The following EPHA7 variants were observed in gnomAD, a reference collection of about 807,000 sequenced individuals.
EPHA7 encodes ephrin type-A receptor 7.
EPHA7 carries 25 observed loss-of-function variants against 112.6 expected under a neutral mutation model. That is an observed-to-expected ratio of 0.22 (90% CI 0.16 to 0.31). The LOEUF (loss-of-function observed/expected upper bound fraction) is 0.31. Ranked by LOEUF, EPHA7 falls within the 10% of genes least tolerant of loss-of-function variation. EPHA7 has a pLI of 1.00. For missense variants in EPHA7, 962 were observed against 1,212.6 expected, an observed-to-expected ratio of 0.79 and a Z score of 3.07; for synonymous variants, 437 against 406.5, an observed-to-expected ratio of 1.07 and a Z score of -0.90.
chr6:93,360,588 C>T (rs929962536), intron 3 of EPHA7, among the ~76,000 whole-genome samples: 1 of 152,078 alleles, frequency 6.6e-6, no homozygotes, highest in African/African-American at 2.4e-5. Flanking sequence ...TTCTCATTCT[C>T]CCATTGCAAA....
At chr6:93,286,743 T>C (rs747583973) in intron 5 of EPHA7, among the ~76,000 whole-genome samples, 14 of 152,138 alleles carry the variant, frequency 9.2e-5, no homozygotes, top group East Asian at 1.9e-4. Context: ...GTTTAAAAGG[T>C]AGCAGGTGAG....
intron 5 of EPHA7, among the ~76,000 whole-genome samples, chr6:93,303,922 T>G (rs978820736): frequency 6.6e-6 from 1 of 152,142 alleles, no homozygotes; most frequent in Non-Finnish European, 1.5e-5. Flanking sequence ...AAACCTTTCT[T>G]CTATTACCTG....
chr6:93,342,274 C>T (rs143346531), intron 5 of EPHA7, among the ~76,000 whole-genome samples: 1 of 150,644 alleles, frequency 6.6e-6, no homozygotes, highest in African/African-American at 2.4e-5. Context: ...TCTTGCTGTC[C>T]TATCCTCATC....
At chr6:93,256,152 A>T (rs1770433505) in intron 12 of EPHA7, 115 bp from the exon 13 acceptor site, 2 of 828,434 alleles carry the variant, frequency 2.4e-6, no homozygotes, top group Non-Finnish European at 3.7e-6. Context: ...GGAATTGTTA[A>T]TTTTTTATAT....
At chr6:93,278,715 TTG>T (rs895383804) in intron 5 of EPHA7, among the ~76,000 whole-genome samples, 7 of 151,858 alleles carry the variant, frequency 4.6e-5, no homozygotes, top group African/African-American at 1.4e-4. Context: ...CTGTTTTTTT[TTG>T]TTGTTGTTGT....
chr6:93,244,362 T>C (rs952657248), intron 16 of EPHA7, among the ~76,000 whole-genome samples: 1 of 152,148 alleles, frequency 6.6e-6, no homozygotes, highest in Non-Finnish European at 1.5e-5. Context: ...TAAACCCATG[T>C]ACGTGACATT....
At chr6:93,355,442 G>T (rs1000859372) in intron 5 of EPHA7, among the ~76,000 whole-genome samples, 11 of 152,184 alleles carry the variant, frequency 7.2e-5, no homozygotes, top group Admixed American at 6.5e-4. Flanking sequence ...ATTAGTCTGT[G>T]TCCAGGAATT....
chr6:93,291,792 T>G (rs1772394735), intron 5 of EPHA7, among the ~76,000 whole-genome samples: 1 of 104,630 alleles, frequency 9.6e-6, no homozygotes, highest in Non-Finnish European at 2.1e-5. Flanking sequence ...AAAAAATACT[T>G]TTCTGGAACC....
chr6:93,243,206 C>T lies in EPHA7; in HGVS notation c.*220G>A. 5.0e-6 allele frequency: 2 copies of T among 404,014 alleles called. No individual in the cohort carries two copies. Among genetic ancestry groups the T allele is most frequent in the Non-Finnish European group, 8.8e-6 (2 of 226,806 alleles). 25.0% of individuals were successfully genotyped at this position (404,014 alleles called of 1,614,324 possible). On this transcript the variant is annotated 3_prime_UTR_variant, in exon 17 of 17. Transcript: ENST00000369303. ...TCAGGTAGTACTTTGTTTATTGTCACTGCTATTTTCCTGGCCACCGATGGT... is the reference window on the plus strand; with the variant it reads ...TCAGGTAGTACTTTGTTTATTGTCATTGCTATTTTCCTGGCCACCGATGGT...
intron 6 of EPHA7, among the ~76,000 whole-genome samples, chr6:93,270,951 A>G (rs1771187916): frequency 6.6e-6 from 1 of 151,806 alleles, no homozygotes; most frequent in Non-Finnish European, 1.5e-5. Context: ...TGATTTGAAC[A>G]TATTTATTCT....
intron 5 of EPHA7, among the ~76,000 whole-genome samples, chr6:93,349,725 CTT>C (rs1189367494): frequency 1.3e-5 from 2 of 151,734 alleles, no homozygotes; most frequent in East Asian, 1.9e-4. Context: ...ATAAATCAAT[CTT>C]ATATATTCCT....
At chr6:93,407,582 C>T (rs767553915) in intron 3 of EPHA7, among the ~76,000 whole-genome samples, 13 of 152,014 alleles carry the variant, frequency 8.6e-5, no homozygotes, top group Admixed American at 2.0e-4. Context: ...CTTATAACAA[C>T]GCACACATAT....
At position 93,240,786 on chromosome 6, in the gene EPHA7, T is replaced by C. The variant is rs1339964483; in HGVS notation, c.*2640A>G. 9.4e-6 allele frequency: 2 copies of C among 213,398 alleles called. No individual in the cohort carries two copies. The highest frequency in any genetic ancestry group is 4.5e-5 in the African/African-American group (2 of 44,394). The allele number at this position is 213,398 out of a possible 1,614,324, so 13.2% of individuals were successfully genotyped here. Reference sequence around the variant, plus strand: ...TCAAGGTGCAAGTTGTACATTCTTATCGTTATACCATCTCATCTCTTTCTG... The same window carrying C: ...TCAAGGTGCAAGTTGTACATTCTTACCGTTATACCATCTCATCTCTTTCTG... On this transcript the variant is annotated 3_prime_UTR_variant, in exon 17 of 17. Coordinates refer to ENST00000369303, the MANE Select transcript of EPHA7 (RefSeq NM_004440.4).
chr6:93,353,799 A>T (rs1181754712), intron 5 of EPHA7, among the ~76,000 whole-genome samples: 1 of 152,036 alleles, frequency 6.6e-6, no homozygotes, highest in East Asian at 1.9e-4. Context: ...GTGGTAGACT[A>T]GAAACTAGAA....
At chr6:93,274,526 A>G (rs1357298872) in intron 5 of EPHA7, among the ~76,000 whole-genome samples, 1 of 151,962 alleles carries the variant, frequency 6.6e-6, no homozygotes, top group East Asian at 1.9e-4. Flanking sequence ...TTTGAAACTC[A>G]TATCACAGTG....
At chr6:93,354,054 A>G (rs1039642887) in intron 5 of EPHA7, among the ~76,000 whole-genome samples, 1 of 152,112 alleles carries the variant, frequency 6.6e-6, no homozygotes, top group African/African-American at 2.4e-5. Context: ...GCATCAGTGG[A>G]TTGCTGAGGA....
chr6:93,394,104 T>C (rs1403368924), intron 3 of EPHA7, among the ~76,000 whole-genome samples: 1 of 151,738 alleles, frequency 6.6e-6, no homozygotes, highest in African/African-American at 2.4e-5. Flanking sequence ...TTCTAAAGAT[T>C]TGAAAATTAG....
intron 5 of EPHA7, among the ~76,000 whole-genome samples, chr6:93,297,528 T>G (rs1284294509): frequency 3.3e-5 from 5 of 152,176 alleles, no homozygotes; most frequent in African/African-American, 1.2e-4. Flanking sequence ...ATGTCTCATT[T>G]ATTCCTTTGT....
Position 93,410,475 on chromosome 6 carries a change from G to C in EPHA7, c.832+26C>G, listed in dbSNP as rs756833952. 2 of 1,571,726 alleles carry C rather than the reference G, an allele frequency of 1.3e-6. No individual in the cohort carries two copies. Among genetic ancestry groups the C allele is most frequent in the African/African-American group, 1.4e-5 (1 of 72,932 alleles). On this transcript the variant is annotated intron_variant, in intron 3 of 16. Transcript: ENST00000369303. The surrounding 1 kb of genome is among the most constrained non-coding windows in gnomAD (Gnocchi z 4.0). ...TACTGAAATTTAAAAAGGCAAAGTG[G>C]AGTTTTAATAGGACACATTACTTAC...
Sources: allele counts gnomAD v4.1 joint callset (sites outside exome capture counted in the v4.1 genomes callset), GRCh38; gene constraint gnomAD v4.1.1; non-coding constraint Gnocchi (gnomAD v3.1); transcripts MANE v1.5; gene names NCBI Gene and HGNC (gene_info 2026-07-23, HGNC 2026-07-21).